Variants in RGS3 observed in about 807,000 individuals in gnomAD.
The protein encoded by RGS3 is regulator of G-protein signalling 3.
Under a neutral mutation model 132.6 loss-of-function variants are expected in RGS3, and 80 were observed. That is an observed-to-expected ratio of 0.60 (90% confidence interval 0.50 to 0.73). The LOEUF is 0.73. Among genes scored for constraint, RGS3 ranks in the 30% least tolerant of loss-of-function variants. RGS3 has a pLI of 0.00. For synonymous variants in RGS3, 598 were observed against 620.6 expected (o/e 0.96, Z 0.54); for missense variants, 1,382 against 1,530.8 (o/e 0.90, Z 1.62).
intron 18 of RGS3, among the ~76,000 whole-genome samples, chr9:113,531,026 A>G (rs1832439234): frequency 6.6e-6 from 1 of 152,154 alleles, no homozygotes; most frequent in African/African-American, 2.4e-5. Context: ...AGAAAAAGAG[A>G]GTCAGGATTT....
intron 19 of RGS3, among the ~76,000 whole-genome samples, chr9:113,551,103 C>T (rs1833321208): frequency 6.6e-6 from 1 of 152,194 alleles, no homozygotes; most frequent in Non-Finnish European, 1.5e-5. Context: ...AGAAATCATA[C>T]TACTTAGCTA....
In RGS3 at chr9:113,463,628, T is replaced by G. The variant is rs574861964; in HGVS notation, c.415+1427T>G. 2.7e-6 allele frequency: 3 copies of G among 1,123,588 alleles called. No individual in the cohort carries two copies. The Admixed American group carries it at 1.3e-4, about 48-fold the overall frequency. 69.6% of individuals were successfully genotyped at this position (1,123,588 alleles called of 1,614,324 possible). ...AGCTCTGCTCCGGCAGGTGGAACTCTCCCCATTCAAACCCGCGCGGGCCAA... is the reference window on the plus strand; with the variant it reads ...AGCTCTGCTCCGGCAGGTGGAACTCGCCCCATTCAAACCCGCGCGGGCCAA... On this transcript the variant is annotated intron_variant, in intron 3 of 24. Coordinates refer to ENST00000350696, the Ensembl canonical transcript of RGS3. The surrounding 1 kb of genome is among the most constrained non-coding windows in gnomAD (Gnocchi z 4.6).
intron 3 of RGS3, among the ~76,000 whole-genome samples, chr9:113,469,136 A>C (rs1392019227): frequency 6.6e-6 from 1 of 150,692 alleles, no homozygotes; most frequent in Non-Finnish European, 1.5e-5. Flanking sequence ...TCTCTTTAGA[A>C]GCCGTGGAGA....
rs567749429 is a variant in RGS3 at position 113,528,851 on chromosome 9, G to C, written c.1871-370G>C. On this transcript the variant is annotated intron_variant, in intron 17 of 24. Transcript: ENST00000350696. ...GTTGGAGCATTTAAAGGAAAATCCA[G>C]ATGTGTGCTGCCTCCAGGTCTCTCA... Among the ~76,000 whole-genome samples the C allele has an allele frequency of 3.9e-5, 6 of 152,350 alleles. 1 individual carries two copies. The South Asian group carries it at 1.2e-3, about 32-fold the overall frequency.
At chr9:113,512,534 AG>A (rs1353047973) in intron 14 of RGS3, among the ~76,000 whole-genome samples, 1 of 151,022 alleles carries the variant, frequency 6.6e-6, no homozygotes, top group East Asian at 2.0e-4. Flanking sequence ...CTTGGTGAGA[AG>A]GGGCTGGGGG....
chr9:113,486,166 C>T (rs1830326172), intron 7 of RGS3, among the ~76,000 whole-genome samples: 1 of 152,162 alleles, frequency 6.6e-6, no homozygotes, highest in Admixed American at 6.5e-5. Flanking sequence ...AAAAGAATGA[C>T]ATGAGTAATA....
chr9:113,500,219 G>T (rs953179542), intron 10 of RGS3, among the ~76,000 whole-genome samples: 3 of 152,236 alleles, frequency 2.0e-5, no homozygotes, highest in African/African-American at 7.2e-5. Flanking sequence ...CTTCTCAGAG[G>T]CTTGGTTGGG....
chr9:113,553,324 T>C (rs892136519), intron 19 of RGS3, among the ~76,000 whole-genome samples: 3 of 148,968 alleles, frequency 2.0e-5, no homozygotes, highest in Admixed American at 6.8e-5. Context: ...GTGCCTGGAG[T>C]CCCAGCTACT....
intron 15 of RGS3, among the ~76,000 whole-genome samples, chr9:113,515,960 G>T (rs2050866): frequency 6.6e-6 from 1 of 152,134 alleles, no homozygotes; most frequent in Non-Finnish European, 1.5e-5. Flanking sequence ...CTTGCGCATG[G>T]ATTGCCTCTC....
intron 19 of RGS3, among the ~76,000 whole-genome samples, chr9:113,538,343 C>G (rs959336168): frequency 1.3e-5 from 2 of 152,296 alleles, no homozygotes; most frequent in Admixed American, 6.5e-5. Context: ...CCCCACTGAT[C>G]CTGGGTTGGT....
At chr9:113,493,017 C>T (rs1235238217) in intron 7 of RGS3, among the ~76,000 whole-genome samples, 1 of 152,188 alleles carries the variant, frequency 6.6e-6, no homozygotes, top group East Asian at 1.9e-4. Flanking sequence ...AAAGTTTCAG[C>T]CCTACCCAGT....
At chr9:113,518,068 T>G (rs1831764262) in intron 16 of RGS3, among the ~76,000 whole-genome samples, 2 of 152,206 alleles carry the variant, frequency 1.3e-5, no homozygotes, top group Non-Finnish European at 2.9e-5. Context: ...GTCTATGATT[T>G]CGCCTGGGTT....
chr9:113,514,827 A>G (rs1344850187), intron 15 of RGS3, among the ~76,000 whole-genome samples, 173 bp downstream of exon 13: 13 of 152,112 alleles, frequency 8.5e-5, no homozygotes, highest in Admixed American at 8.5e-4. Flanking sequence ...GGGAGCAGAG[A>G]TTTCCAGGGA....
chr9:113,501,489 T>G, intron 10 of RGS3: 2 of 1,515,522 alleles, frequency 1.3e-6, no homozygotes, highest in Non-Finnish European at 1.8e-6. Flanking sequence ...AGGGTGCTCA[T>G]GCCAGGCTGA....
chr9:113,516,092 C>T (rs1399674899), intron 15 of RGS3, among the ~76,000 whole-genome samples: 2 of 152,224 alleles, frequency 1.3e-5, no homozygotes, highest in Non-Finnish European at 2.9e-5. Flanking sequence ...AATGGTTTAT[C>T]GTCTTATCAG....
intron 16 of RGS3, among the ~76,000 whole-genome samples, chr9:113,519,083 AC>A (rs1298387339): frequency 2.0e-5 from 3 of 151,914 alleles, no homozygotes; most frequent in Non-Finnish European, 2.9e-5. Context: ...TACATACTTG[AC>A]CCCAATTAGC....
At chr9:113,485,926 C>T (rs1461193567) in intron 7 of RGS3, among the ~76,000 whole-genome samples, 1 of 152,184 alleles carries the variant, frequency 6.6e-6, no homozygotes. Flanking sequence ...AGGCACTGTG[C>T]TGGTCACTGG....
rs138280516 is a variant in RGS3 at position 113,583,915 on chromosome 9, A to G, written c.2503A>G (p.Ser835Gly). Reference sequence around the variant, plus strand: ...CAAGGCCCTTACTGAGGACACCATGAGCTCCGGGGACCTACTAGCAGCTAC... The same window carrying G: ...CAAGGCCCTTACTGAGGACACCATGGGCTCCGGGGACCTACTAGCAGCTAC... Residue 835 changes from serine to glycine, a missense_variant, in exon 20 of 25, where the codon AGC becomes GGC. Ser to Gly is a moderately conservative substitution (Grantham distance 56). Coordinates refer to ENST00000350696, the Ensembl canonical transcript of RGS3. 2.7e-4 allele frequency: 435 copies of G among 1,614,020 alleles called. 1 individual carries two copies. Among genetic ancestry groups the G allele is most frequent in the South Asian group, 4.3e-4 (39 of 91,082 alleles).
intron 10 of RGS3, among the ~76,000 whole-genome samples, chr9:113,502,586 G>GACAC (rs1220601659): frequency 6.6e-6 from 1 of 152,210 alleles, no homozygotes; most frequent in Non-Finnish European, 1.5e-5. Flanking sequence ...CAGCCCCTGC[G>GACAC]ACACTAGCGT....
Sources: gnomAD v4.1 joint callset for allele counts (sites outside exome capture counted in the v4.1 genomes callset) on GRCh38, gnomAD v4.1.1 for gene constraint, Gnocchi (gnomAD v3.1) non-coding constraint, MANE v1.5 for transcripts, NCBI Gene and HGNC (gene_info 2026-07-23, HGNC 2026-07-21) for gene names.